ARHGAP22: variants seen among roughly 807,000 people sequenced by gnomAD.
The protein encoded by ARHGAP22 is rho GTPase-activating protein 22.
In ARHGAP22, 48 loss-of-function variants were observed where a neutral mutation model predicts 59.1. The ratio of observed to expected loss-of-function variants is 0.81; its 90% CI spans 0.64 to 1.03. The LOEUF (loss-of-function observed/expected upper bound fraction) is 1.03. Among genes scored for constraint, ARHGAP22 ranks in the 50% least tolerant of loss-of-function variants. The pLI, the probability that ARHGAP22 is intolerant of heterozygous loss-of-function variation, is 0.00. For synonymous variants in ARHGAP22, 445 were observed against 416.4 expected, an observed-to-expected ratio of 1.07 and a Z score of -0.84; for missense variants, 1,015 against 958.7, an observed-to-expected ratio of 1.06 and a Z score of -0.78.
At chr10:48,508,890 T>C (rs1315547003) in intron 3 of ARHGAP22, among the ~76,000 whole-genome samples, 1 of 152,254 alleles carries the variant, frequency 6.6e-6, no homozygotes, top group East Asian at 1.9e-4. Flanking sequence ...CCAATCAACA[T>C]GCCAGAAGCA....
intron 1 of ARHGAP22, among the ~76,000 whole-genome samples, chr10:48,629,811 T>C (rs558136990): frequency 2.6e-5 from 4 of 152,374 alleles, no homozygotes; most frequent in African/African-American, 4.8e-5. Flanking sequence ...TTAAATAATA[T>C]GGAGTCTTCC....
At chr10:48,585,146 T>C (rs1380924456) in intron 1 of ARHGAP22, among the ~76,000 whole-genome samples, 2 of 152,220 alleles carry the variant, frequency 1.3e-5, no homozygotes, top group Non-Finnish European at 2.9e-5. Context: ...TCGTGGACTT[T>C]GCAATGTGTC....
chr10:48,604,659 G>C, intron 1 of ARHGAP22, 104 bp downstream of exon 1: 1 of 1,569,346 alleles, frequency 6.4e-7, no homozygotes, highest in Non-Finnish European at 8.7e-7. Flanking sequence ...GTCCCAGAAC[G>C]CCCGCCCCAT....
At chr10:48,638,417 T>C (rs1350392029) in intron 1 of ARHGAP22, among the ~76,000 whole-genome samples, 1 of 152,094 alleles carries the variant, frequency 6.6e-6, no homozygotes, top group East Asian at 1.9e-4. Flanking sequence ...TGTGTGTGTA[T>C]GTTTAGCTTA....
chr10:48,586,124 C>A (rs1251955079), intron 1 of ARHGAP22, among the ~76,000 whole-genome samples: 1 of 152,094 alleles, frequency 6.6e-6, no homozygotes, highest in African/African-American at 2.4e-5. Context: ...TGGTTATTAT[C>A]CCTGCAAATG....
intron 4 of ARHGAP22, among the ~76,000 whole-genome samples, chr10:48,467,110 G>A (rs1224601642): frequency 6.6e-6 from 1 of 152,224 alleles, no homozygotes; most frequent in Non-Finnish European, 1.5e-5. Flanking sequence ...TTCCTGCCTG[G>A]GCATCCTAGT....
Position 48,446,387 on chromosome 10 carries a change from C to A in ARHGAP22, c.*4G>T. On this transcript the variant is annotated 3_prime_UTR_variant, in exon 10 of 10. Coordinates refer to ENST00000249601, the MANE Select transcript of ARHGAP22 (RefSeq NM_021226.4). ...TGGTACAGAAGTGAGCTCTGCCATT[C>A]CTTTTACTTTGGGGCCCTGGCACCT... 2 of 1,614,078 alleles carry A rather than the reference C, an allele frequency of 1.2e-6. No homozygotes were observed. The highest frequency in any genetic ancestry group is 2.2e-5 in the East Asian group (1 of 44,886).
At chr10:48,538,723 T>A (rs1441189864) in intron 3 of ARHGAP22, among the ~76,000 whole-genome samples, 3 of 152,188 alleles carry the variant, frequency 2.0e-5, no homozygotes, top group African/African-American at 7.2e-5. Flanking sequence ...TAGAAAGCAG[T>A]TTTCTATTCT....
chr10:48,588,045 G>T (rs2059534196), intron 1 of ARHGAP22, among the ~76,000 whole-genome samples: 1 of 152,236 alleles, frequency 6.6e-6, no homozygotes. Flanking sequence ...TCAATACATG[G>T]CTGACTGTGG....
the ARHGAP22 span, chr10:48,436,188 A>G: frequency 6.6e-6 from 1 of 152,232 alleles, no homozygotes; most frequent in African/African-American, 2.4e-5. Flanking sequence ...CATATATAGG[A>G]TATCATTTTC....
intron 6 of ARHGAP22, among the ~76,000 whole-genome samples, 161 bp from the exon 7 acceptor site, chr10:48,454,322 G>A (rs1421012863): frequency 6.6e-6 from 1 of 152,174 alleles, no homozygotes; most frequent in Admixed American, 6.5e-5. Flanking sequence ...TCAAGGAGTG[G>A]CCAGGGCCCA....
At chr10:48,532,273 A>G (rs1193945261) in intron 3 of ARHGAP22, among the ~76,000 whole-genome samples, 1 of 149,406 alleles carries the variant, frequency 6.7e-6, no homozygotes, top group East Asian at 2.0e-4. Flanking sequence ...CTTAACAACC[A>G]CTCACTGACT....
In ARHGAP22 at chr10:48,524,545, C is replaced by T. The variant is rs575402117; in HGVS notation, c.322+30918G>A. Among the ~76,000 whole-genome samples the T allele has an allele frequency of 2.8e-4, 43 of 152,198 alleles. No individual in the cohort carries two copies. The South Asian group carries it at 8.9e-3, about 32-fold the overall frequency. ...GTGGGGGGCCACACCGGCCTGGCCTCCCCGCGCAGAATGGGAAGAAGGGGC... is the reference window on the plus strand; with the variant it reads ...GTGGGGGGCCACACCGGCCTGGCCTTCCCGCGCAGAATGGGAAGAAGGGGC... On this transcript the variant is annotated intron_variant, in intron 3 of 9. Transcript: ENST00000249601.
Position 48,561,748 on chromosome 10 carries a change from T to C in ARHGAP22, c.235-6198A>G, listed in dbSNP as rs563860979. Among the ~76,000 whole-genome samples, 5 of 152,346 alleles carry C rather than the reference T, an allele frequency of 3.3e-5. No homozygotes were observed. In the South Asian group the frequency reaches 1.0e-3, roughly 32 times the overall value. On this transcript the variant is annotated intron_variant, in intron 2 of 9. Coordinates refer to ENST00000249601, the MANE Select transcript of ARHGAP22 (RefSeq NM_021226.4). ...CTCATGAGATGATCTTCAACATCAT[T>C]AGTAGTTAGGAAAATGCAAATTAAA...
intron 1 of ARHGAP22, among the ~76,000 whole-genome samples, chr10:48,628,934 G>C (rs2061539688): frequency 6.6e-6 from 1 of 152,148 alleles, no homozygotes; most frequent in Non-Finnish European, 1.5e-5. Context: ...CTGTGACTAA[G>C]GGAAGAACAC....
intron 3 of ARHGAP22, among the ~76,000 whole-genome samples, chr10:48,524,940 A>G (rs2054194176): frequency 1.3e-5 from 2 of 152,210 alleles, no homozygotes. Context: ...GCTTCACCGG[A>G]TGGTTGTGTC....
intron 4 of ARHGAP22, among the ~76,000 whole-genome samples, chr10:48,477,075 A>G (rs187905192): frequency 6.6e-5 from 10 of 152,306 alleles, no homozygotes; most frequent in African/African-American, 2.4e-4. Context: ...CTGTGTAACT[A>G]CCCAAGCCAA....
chr10:48,454,078 A>C lies in ARHGAP22; in HGVS notation c.866+10T>G, dbSNP rs561784162. ...AGGAAAGTGTGGTTCCCTCCTGCCA[A>C]GCCGCTTACTTGCAGATGTATCTGA... On this transcript the variant is annotated intron_variant, in intron 7 of 9. Coordinates refer to ENST00000249601, the MANE Select transcript of ARHGAP22 (RefSeq NM_021226.4). The C allele has an allele frequency of 6.2e-7, 1 of 1,613,686 alleles. No homozygotes were observed. Among genetic ancestry groups the C allele is most frequent in the Non-Finnish European group, 8.5e-7 (1 of 1,179,704 alleles).
intron 4 of ARHGAP22, among the ~76,000 whole-genome samples, chr10:48,461,365 C>T (rs1056899910): frequency 6.6e-6 from 1 of 152,166 alleles, no homozygotes. Context: ...GTCTCTCCCC[C>T]AGCACTGCTT....
Sources: allele counts gnomAD v4.1 joint callset (sites outside exome capture counted in the v4.1 genomes callset), GRCh38; gene constraint gnomAD v4.1.1; transcripts MANE v1.5; gene names NCBI Gene and HGNC (gene_info 2026-07-23, HGNC 2026-07-21).